The following RNF169 variants were observed in gnomAD, a reference collection of about 807,000 sequenced individuals.
The protein encoded by RNF169 is E3 ubiquitin-protein ligase RNF169.
A neutral mutation model predicts 53.9 loss-of-function variants in RNF169; 24 were observed. The ratio of observed to expected loss-of-function variants is 0.45; its 90% confidence interval spans 0.32 to 0.63. The LOEUF (loss-of-function observed/expected upper bound fraction) is 0.63, where lower values mean the gene tolerates loss of function less well. RNF169 is among the 20% of genes least tolerant of loss of function. The probability of loss-of-function intolerance (pLI) is 0.04; values close to 1 mark genes in which losing one functional copy is unlikely to be tolerated. For synonymous variants in RNF169, 396 were observed against 363.5 expected, an observed-to-expected ratio of 1.09 and a Z score of -1.02; for missense variants, 883 against 906.2, an observed-to-expected ratio of 0.97 and a Z score of 0.33.
At chr11:74,831,206 T>G (rs928863767) in intron 4 of RNF169, 1 of 152,206 alleles carries the variant, frequency 6.6e-6, no homozygotes, top group Admixed American at 6.5e-5. Context: ...GAAGTAAGAC[T>G]ATCTCTGTTT....
chr11:74,799,247 A>T (rs1466203107), intron 2 of RNF169, among the ~76,000 whole-genome samples: 1 of 152,032 alleles, frequency 6.6e-6, no homozygotes, highest in Non-Finnish European at 1.5e-5. Context: ...TACAGGTAAC[A>T]GGTGTGGTAT....
intron 3 of RNF169, among the ~76,000 whole-genome samples, chr11:74,817,044 A>G (rs2035950039): frequency 6.6e-6 from 1 of 152,250 alleles, no homozygotes; most frequent in South Asian, 2.1e-4. Context: ...ATGACCATGA[A>G]TATAAATGGG....
chr11:74,836,194 T>G lies in RNF169; in HGVS notation c.1591T>G (p.Ser531Ala), dbSNP rs756256736. 1 of 1,614,168 alleles carries G rather than the reference T, an allele frequency of 6.2e-7. No homozygotes were observed. Among genetic ancestry groups the G allele is most frequent in the South Asian group, 1.1e-5 (1 of 91,080 alleles). Residue 531 changes from serine to alanine, a missense_variant, in exon 6 of 6, where the codon TCC (serine) becomes GCC (alanine). Coordinates refer to ENST00000299563, the MANE Select transcript of RNF169 (RefSeq NM_001098638.2). ...STEIPLETCC[S>A]SELKGGGSGT... ...TGAGATCCCACTGGAAACCTGCTGT[T>G]CCTCAGAACTCAAAGGGGGAGGCAG...
chr11:74,789,607 T>G lies in RNF169; in HGVS notation c.503-19T>G. The G allele has an allele frequency of 3.8e-6, 6 of 1,569,276 alleles. No individual in the cohort carries two copies. The highest frequency in any genetic ancestry group is 5.2e-6 in the Non-Finnish European group (6 of 1,142,862). On this transcript the variant is annotated intron_variant, in intron 1 of 5. Transcript: ENST00000299563. ...TAGAAAGTCATCTTAAAAAGTATTTTCTTTTCCCTTTCTTTCAGACTTTAT... is the reference window on the plus strand; with the variant it reads ...TAGAAAGTCATCTTAAAAAGTATTTGCTTTTCCCTTTCTTTCAGACTTTAT...
intron 1 of RNF169, among the ~76,000 whole-genome samples, chr11:74,772,203 G>A (rs1431391434): frequency 3.9e-5 from 6 of 152,144 alleles, no homozygotes; most frequent in Non-Finnish European, 8.8e-5. Flanking sequence ...TTTTATTTAT[G>A]CAGGTCATGT....
intron 2 of RNF169, among the ~76,000 whole-genome samples, chr11:74,806,973 G>T (rs1297943897): frequency 6.6e-6 from 1 of 151,778 alleles, no homozygotes. Flanking sequence ...GAAAAGTAAA[G>T]ATTCTTTTCG....
chr11:74,768,715 CAA>C (rs1216111083), intron 1 of RNF169, among the ~76,000 whole-genome samples: 4 of 150,776 alleles, frequency 2.7e-5, no homozygotes, highest in Non-Finnish European at 4.4e-5. Flanking sequence ...TTCAAACAAA[CAA>C]AAAATGTAAA....
At chr11:74,834,091 T>G (rs1486232009) in intron 4 of RNF169, among the ~76,000 whole-genome samples, 3 of 152,194 alleles carry the variant, frequency 2.0e-5, no homozygotes, top group African/African-American at 7.2e-5. Flanking sequence ...CTGTGGAGTT[T>G]GGTTTGGGTT....
At chr11:74,759,101 C>T (rs1458996179) in intron 1 of RNF169, among the ~76,000 whole-genome samples, 2 of 136,702 alleles carry the variant, frequency 1.5e-5, no homozygotes, top group Non-Finnish European at 3.1e-5. Context: ...CATGATTTGG[C>T]TCTCTGTTTG....
chr11:74,802,511 T>C (rs910999089), intron 2 of RNF169, among the ~76,000 whole-genome samples: 8 of 152,070 alleles, frequency 5.3e-5, no homozygotes, highest in African/African-American at 1.9e-4. Context: ...GGCGCGATGG[T>C]GCACAGCTGT....
Position 74,757,462 on chromosome 11 carries a change from G to A in RNF169, c.502+8080G>A, listed in dbSNP as rs1005371823. ...GAATAATGCCGCAGTAAACATACGT[G>A]TGCATGTGTCTTTATAGCAGCATGA... On this transcript the variant is annotated intron_variant, in intron 1 of 5. Transcript: ENST00000299563. Among the ~76,000 whole-genome samples, 76 of 144,762 alleles carry A rather than the reference G, an allele frequency of 5.2e-4. 1 individual carries two copies. The highest frequency in any genetic ancestry group is 1.8e-3 in the African/African-American group (70 of 38,666). 95.0% of individuals were successfully genotyped at this position (144,762 alleles called of 152,430 possible).
At position 74,748,888 on chromosome 11, in the gene RNF169, C is replaced by T. The variant is rs2034834321; in HGVS notation, c.8C>T (p.Ala3Val). The T allele has an allele frequency of 2.1e-6, 3 of 1,427,862 alleles. No individual in the cohort carries two copies. The highest frequency in any genetic ancestry group is 2.8e-6 in the Non-Finnish European group (3 of 1,079,422). 88.4% of individuals were successfully genotyped at this position (1,427,862 alleles called of 1,614,324 possible). A position where few individuals can be genotyped will look rare whatever the true frequency, so the allele number is the denominator to read the frequency against. Residue 3 changes from alanine (A) to valine (V), a missense_variant, in exon 1 of 6, where the codon GCT becomes GTT. Ala to Val is a moderately conservative substitution (Grantham distance 64). Coordinates refer to ENST00000299563, the MANE Select transcript of RNF169 (RefSeq NM_001098638.2). ...CTTCAAACGGGAAACAAGATGGCGG[C>T]TGCAGGTCCGAGTACTCGGGCCTCT... MAAAGPSTRASSA... is the reference protein window; with the variant it reads MAVAGPSTRASSA...
intron 2 of RNF169, among the ~76,000 whole-genome samples, chr11:74,800,837 G>A (rs1466002370): frequency 1.3e-5 from 2 of 152,026 alleles, no homozygotes; most frequent in African/African-American, 2.4e-5. Flanking sequence ...CTTCCCATAA[G>A]CAAGTGTCCC....
chr11:74,752,589 C>CTT (rs1425224662), intron 1 of RNF169, among the ~76,000 whole-genome samples: 1 of 138,192 alleles, frequency 7.2e-6, no homozygotes, highest in East Asian at 2.1e-4. Context: ...GAGCAAGACT[C>CTT]TGTCTCAAAA....
At chr11:74,778,148 A>C (rs1024213327) in intron 1 of RNF169, among the ~76,000 whole-genome samples, 1 of 152,192 alleles carries the variant, frequency 6.6e-6, no homozygotes, top group Non-Finnish European at 1.5e-5. Context: ...TAGTTATTTA[A>C]AACTATTTTT....
At chr11:74,806,059 G>C (rs1289249040) in intron 2 of RNF169, among the ~76,000 whole-genome samples, 1 of 151,800 alleles carries the variant, frequency 6.6e-6, no homozygotes, top group Non-Finnish European at 1.5e-5. Context: ...ATACATATAA[G>C]ATATATGTAC....
chr11:74,826,418 C>G (rs1776463402), intron 4 of RNF169, among the ~76,000 whole-genome samples: 1 of 152,158 alleles, frequency 6.6e-6, no homozygotes, highest in Admixed American at 6.5e-5. Context: ...ATTCAGTTAC[C>G]ACCACCTGGA....
intron 2 of RNF169, among the ~76,000 whole-genome samples, chr11:74,794,857 G>A (rs757989891): frequency 6.6e-6 from 1 of 152,162 alleles, no homozygotes; most frequent in Non-Finnish European, 1.5e-5. Context: ...GGAGTGCAGT[G>A]TTGGAATCGT....
Position 74,836,607 on chromosome 11 carries a change from AGACC to A in RNF169, c.2008_2011del (p.Arg670SerfsTer17). 1 of 1,614,188 alleles carries A rather than the reference AGACC, an allele frequency of 6.2e-7. No homozygotes were observed. ...AGCAGAAGCTTCAGCAAGAGGAAGAAGACCGACAGTTGGCTCTGCAGTTGCAGCG... is the reference window on the plus strand; with the variant it reads ...AGCAGAAGCTTCAGCAAGAGGAAGAAGACAGTTGGCTCTGCAGTTGCAGCG... On this transcript the variant is annotated frameshift_variant, in exon 6 of 6. Coordinates refer to ENST00000299563, the MANE Select transcript of RNF169 (RefSeq NM_001098638.2). LOFTEE classifies it high-confidence loss of function.
Sources: allele counts gnomAD v4.1 joint callset (sites outside exome capture counted in the v4.1 genomes callset), GRCh38; gene constraint gnomAD v4.1.1; transcripts MANE v1.5; gene names NCBI Gene and HGNC (gene_info 2026-07-23, HGNC 2026-07-21).